The following DIP2C variants were observed in gnomAD, a reference collection of about 807,000 sequenced individuals.
DIP2C encodes DIP2 acetate--CoA ligase C (putative).
DIP2C carries 33 observed loss-of-function variants against 192.4 expected under a neutral mutation model. The observed-to-expected ratio is 0.17, with a 90% confidence interval of 0.13 to 0.23. The LOEUF is 0.23. DIP2C is among the 10% of genes least tolerant of loss of function. The pLI is 1.00. For missense variants in DIP2C, 1,537 were observed against 2,110.1 expected (o/e 0.73, Z 5.32); for synonymous variants, 979 against 864.1 (o/e 1.13, Z -2.33).
chr10:622,352 G>A (rs1383576289), intron 1 of DIP2C, among the ~76,000 whole-genome samples: 1 of 72,900 alleles, frequency 1.4e-5, no homozygotes, highest in Non-Finnish European at 2.8e-5. Flanking sequence ...AGGAGGAAGG[G>A]GGAGGGAGGG....
intron 1 of DIP2C, among the ~76,000 whole-genome samples, chr10:625,642 G>A (rs990954157): frequency 3.9e-5 from 6 of 152,164 alleles, no homozygotes; most frequent in South Asian, 2.1e-4. Context: ...GCTAAGCCAT[G>A]CACGGCCTCA....
At chr10:532,686 TGA>T (rs34935099) in intron 1 of DIP2C, among the ~76,000 whole-genome samples, 2 of 39,668 alleles carry the variant, frequency 5.0e-5, no homozygotes, top group Middle Eastern at 0.015. Flanking sequence ...AGTATGGGTG[TGA>T]GAGAGTATGG....
At chr10:440,801 T>C in intron 4 of DIP2C, 70 bp downstream of exon 4, 1 of 1,521,586 alleles carries the variant, frequency 6.6e-7, no homozygotes, top group South Asian at 1.3e-5. Context: ...AAACCCCTGA[T>C]TGCTGGGCTA....
chr10:408,920 A>G lies in DIP2C; in HGVS notation c.1149+6T>C. ...TTGTAGATCCAGCAGTTTAAGTTGC[A>G]CTTACCCTATCTCCAGGCCGGACCA... is the stretch of plus-strand genomic sequence containing the variant. On this transcript the variant is annotated splice_donor_region_variant and intron_variant, in intron 9 of 36. Coordinates refer to ENST00000280886, the MANE Select transcript of DIP2C (RefSeq NM_014974.3). 6.2e-7 allele frequency: 1 copy of G among 1,613,992 alleles called. No individual in the cohort carries two copies.
intron 17 of DIP2C, among the ~76,000 whole-genome samples, chr10:377,042 G>A (rs1459865908): frequency 2.0e-5 from 3 of 151,922 alleles, no homozygotes; most frequent in East Asian, 1.9e-4. Flanking sequence ...TCTCTAACAG[G>A]AGCAATGCAT....
At chr10:634,128 G>C (rs553299075) in intron 1 of DIP2C, among the ~76,000 whole-genome samples, 1 of 152,250 alleles carries the variant, frequency 6.6e-6, no homozygotes, top group South Asian at 2.1e-4. Context: ...TCATCAGAAA[G>C]AGCCTCCCAG....
At chr10:386,128 G>GA (rs1962882110) in intron 14 of DIP2C, among the ~76,000 whole-genome samples, 1 of 152,216 alleles carries the variant, frequency 6.6e-6, no homozygotes, top group South Asian at 2.1e-4. Context: ...GTCACAGCCG[G>GA]AAAGTTGGGT....
chr10:579,784 CCA>C (rs1220183060), intron 1 of DIP2C, among the ~76,000 whole-genome samples: 1 of 151,910 alleles, frequency 6.6e-6, no homozygotes, highest in Non-Finnish European at 1.5e-5. Flanking sequence ...ACATCCATAT[CCA>C]TATAGCATAT....
At chr10:528,840 C>T (rs554539538) in intron 1 of DIP2C, among the ~76,000 whole-genome samples, 59 of 152,272 alleles carry the variant, frequency 3.9e-4, no homozygotes, top group Non-Finnish European at 6.2e-4. Flanking sequence ...GTGGGGCTGG[C>T]GTCCAGGCAG....
chr10:294,303 A>C (rs1955639980), intron 32 of DIP2C, among the ~76,000 whole-genome samples: 1 of 152,152 alleles, frequency 6.6e-6, no homozygotes, highest in Non-Finnish European at 1.5e-5. Context: ...CTAAGACCCT[A>C]ATCACATGCA....
At chr10:439,178 A>G (rs945911389) in intron 4 of DIP2C, among the ~76,000 whole-genome samples, 2 of 152,192 alleles carry the variant, frequency 1.3e-5, no homozygotes, top group Non-Finnish European at 2.9e-5. Context: ...ATATTAAAAT[A>G]AAGAAAAGGA....
intron 4 of DIP2C, among the ~76,000 whole-genome samples, chr10:426,283 AC>A (rs1966593674): frequency 6.6e-6 from 1 of 151,288 alleles, no homozygotes. Context: ...CAAACTTCTA[AC>A]AAAAAGGTAC....
At chr10:448,510 G>A (rs1280707290) in intron 3 of DIP2C, among the ~76,000 whole-genome samples, 4,594 of 90,664 alleles carry the variant, frequency 0.051, 20 homozygotes, top group African/African-American at 0.24. Context: ...AGCAGGACCC[G>A]CTCACTCCCG....
At chr10:684,907 G>A (rs994609936) in intron 1 of DIP2C, among the ~76,000 whole-genome samples, 1 of 151,408 alleles carries the variant, frequency 6.6e-6, no homozygotes, top group African/African-American at 2.4e-5. Flanking sequence ...CTGAGGCAGG[G>A]GGATCACCTG....
At chr10:297,798 G>A (rs990849193) in intron 32 of DIP2C, among the ~76,000 whole-genome samples, 2 of 152,102 alleles carry the variant, frequency 1.3e-5, no homozygotes, top group Admixed American at 6.5e-5. Context: ...CAAATAGCTA[G>A]GAGGAAGATA....
intron 1 of DIP2C, among the ~76,000 whole-genome samples, chr10:616,679 C>A (rs1853492290): frequency 6.6e-6 from 1 of 152,242 alleles, no homozygotes; most frequent in Non-Finnish European, 1.5e-5. Context: ...CCACAGTGGA[C>A]ATTCTACAAA....
intron 31 of DIP2C, among the ~76,000 whole-genome samples, chr10:319,885 A>G (rs1403251354): frequency 6.6e-6 from 1 of 152,204 alleles, no homozygotes; most frequent in Non-Finnish European, 1.5e-5. Flanking sequence ...TCTTAAAACA[A>G]CTAAGAATTC....
intron 3 of DIP2C, among the ~76,000 whole-genome samples, chr10:462,786 G>A (rs914852249): frequency 6.6e-6 from 1 of 152,158 alleles, no homozygotes; most frequent in South Asian, 2.1e-4. Context: ...TAAAATGCTG[G>A]CAAACTGAAT....
At chr10:432,141 C>CA (rs781200802) in intron 4 of DIP2C, among the ~76,000 whole-genome samples, 5 of 151,992 alleles carry the variant, frequency 3.3e-5, no homozygotes, top group Non-Finnish European at 5.9e-5. Flanking sequence ...AAGGTTATTG[C>CA]ATCTGTGTTC....
Sources: allele counts gnomAD v4.1 joint callset (sites outside exome capture counted in the v4.1 genomes callset), GRCh38; gene constraint gnomAD v4.1.1; transcripts MANE v1.5; gene names NCBI Gene and HGNC (gene_info 2026-07-23, HGNC 2026-07-21).